The following ZACN variants were observed in gnomAD, a reference collection of about 807,000 sequenced individuals.
The protein encoded by ZACN is zinc activated ion channel, also known as ligand-gated cation channel ZACN.
Under a neutral mutation model 38.9 loss-of-function variants are expected in ZACN, and 52 were observed. That is an observed-to-expected ratio of 1.34 (90% CI 1.07 to 1.68). The LOEUF (loss-of-function observed/expected upper bound fraction) is 1.68, where lower values mean the gene tolerates loss of function less well. Among genes scored for constraint, ZACN ranks in the 40% most tolerant of loss-of-function variants. The pLI is 0.00. For missense variants in ZACN, 559 were observed against 525.6 expected (o/e 1.06, Z -0.62); for synonymous variants, 235 against 227.4 (o/e 1.03, Z -0.30).
chr17:76,079,685 C>T lies in ZACN; in HGVS notation c.223-17C>T, dbSNP rs1567943832. On this transcript the variant is annotated splice_polypyrimidine_tract_variant and intron_variant, in intron 2 of 8. Transcript: ENST00000334586. Reference sequence around the variant, plus strand: ...ACACAGCGCTCACCCTGAGGTGATGCATTGCCCTTCCCCCAGGACATCCTG... The same window carrying T: ...ACACAGCGCTCACCCTGAGGTGATGTATTGCCCTTCCCCCAGGACATCCTG... 3 of 1,612,532 alleles carry T rather than the reference C, an allele frequency of 1.9e-6. No homozygotes were observed. In the Admixed American group the frequency reaches 5.0e-5, roughly 27 times the overall value.
At chr17:76,079,792 G>A (rs892028711) in intron 3 of ZACN, 46 bp downstream of exon 3, 16 of 1,608,018 alleles carry the variant, frequency 1.0e-5, no homozygotes, top group Non-Finnish European at 1.4e-5. Context: ...GCCCAGCTGA[G>A]TCCAGCTCAG....
At chr17:76,079,782 G>A (rs2066921024) in intron 3 of ZACN, 36 bp downstream of exon 3, 7 of 1,609,858 alleles carry the variant, frequency 4.3e-6, no homozygotes, top group Admixed American at 1.7e-5. Flanking sequence ...GGATGGGAAA[G>A]CCCAGCTGAG....
chr17:76,080,090 C>A, intron 4 of ZACN, 96 bp downstream of exon 4: 7 of 1,475,092 alleles, frequency 4.7e-6, no homozygotes, highest in Non-Finnish European at 5.5e-6. Flanking sequence ...ATATGACCCT[C>A]CTGGCGGTCC....
chr17:76,080,595 C>G (rs1273600942), intron 5 of ZACN, 171 bp downstream of exon 5: 8 of 939,356 alleles, frequency 8.5e-6, no homozygotes, highest in Non-Finnish European at 1.3e-5. Flanking sequence ...CAGGCTTAGG[C>G]GGGCAGCACC....
In ZACN at chr17:76,081,619, C is replaced by T. The variant is rs766837277; in HGVS notation, c.744C>T (p.Asp248=). ...CTGCAGAGGCACTGCTGTTGGCTGA[C>T]GTGTGCGGGGGGTTGCTGCCCCTCC... is the stretch of plus-strand genomic sequence containing the variant. ...LVPAEALLLA[D]VCGGLLPLRA... Residue 248 remains aspartate, a synonymous_variant, in exon 7 of 9, where the codon GAC becomes GAT. Coordinates refer to ENST00000334586, the MANE Select transcript of ZACN (RefSeq NM_180990.4). 23 of 1,614,104 alleles carry T rather than the reference C, an allele frequency of 1.4e-5. No individual in the cohort carries two copies. The East Asian group carries it at 2.0e-4, about 14-fold the overall frequency.
rs768174525 is a variant in ZACN at position 76,082,661 on chromosome 17, G to A, written c.*8G>A. ...AGGCGGCCTAGACTGTAAAGGGGCAGGGCCTGGGCTGCACACCTTAGGATG... is the reference window on the plus strand; with the variant it reads ...AGGCGGCCTAGACTGTAAAGGGGCAAGGCCTGGGCTGCACACCTTAGGATG... On this transcript the variant is annotated 3_prime_UTR_variant, in exon 9 of 9. Transcript: ENST00000334586. 3.7e-6 allele frequency: 6 copies of A among 1,600,236 alleles called. No homozygotes were observed. The East Asian group carries it at 1.3e-4, about 36-fold the overall frequency.
chr17:76,082,381 T>C, intron 8 of ZACN, 82 bp from the exon 9 acceptor site: 1 of 1,386,988 alleles, frequency 7.2e-7, no homozygotes, highest in Non-Finnish European at 9.8e-7. Flanking sequence ...CGATACAGGC[T>C]GATGACCCCT....
chr17:76,081,810 T>C, intron 7 of ZACN, 55 bp downstream of exon 7: 1 of 1,612,042 alleles, frequency 6.2e-7, no homozygotes, highest in Admixed American at 1.7e-5. Flanking sequence ...CACCCACTGG[T>C]GCTCAGCTCG....
rs767614712 is a variant in ZACN, at chr17:76,082,678, C to T, written c.*25C>T. 2.6e-6 allele frequency: 4 copies of T among 1,567,908 alleles called. No homozygotes were observed. In the African/African-American group the frequency reaches 4.1e-5, roughly 16 times the overall value. On this transcript the variant is annotated 3_prime_UTR_variant, in exon 9 of 9. Coordinates refer to ENST00000334586, the MANE Select transcript of ZACN (RefSeq NM_180990.4). The stretch of plus-strand genomic sequence containing the variant: ...AAGGGGCAGGGCCTGGGCTGCACAC[C>T]TTAGGATGAAGTTTGCTTTCCCATG...
Position 76,081,107 on chromosome 17 carries a change from T to C in ZACN, c.545-171T>C, listed in dbSNP as rs944747038. The C allele has an allele frequency of 8.6e-6, 7 of 809,662 alleles. No homozygotes were observed. In the African/African-American group the frequency reaches 8.7e-5, roughly 10 times the overall value. 50.2% of individuals were successfully genotyped at this position (809,662 alleles called of 1,614,324 possible). ...CTTCAACTGGAGACAATTTGGGATG[T>C]TGCAAAACAAGGTTTGGGAAGCCCT... On this transcript the variant is annotated intron_variant, in intron 5 of 8. Transcript: ENST00000334586.
rs149452212 is a variant in ZACN, at chr17:76,079,256, G to A, written c.-9G>A. 1.1e-3 allele frequency: 1,715 copies of A among 1,608,368 alleles called. 2 individuals carry two copies. Among genetic ancestry groups the A allele is most frequent in the Middle Eastern group, 1.7e-3 (10 of 5,900 alleles). ...CACCGCTGCTCCCTCCAGTCCCTCC[G>A]TGCAGCCGATGATGGCCCTATGGTC... On this transcript the variant is annotated 5_prime_UTR_variant, in exon 1 of 9. In the 5' UTR this introduces an upstream ATG that the reference lacks. Coordinates refer to ENST00000334586, the MANE Select transcript of ZACN (RefSeq NM_180990.4).
chr17:76,080,979 T>TA, intron 5 of ZACN: 2 of 401,390 alleles, frequency 5.0e-6, no homozygotes, highest in South Asian at 2.0e-5. Flanking sequence ...TGTGAGATGA[T>TA]AGACTGACGA....
rs1213401698 is a variant in ZACN at position 76,081,417 on chromosome 17, G to A, written c.669+15G>A. 5 of 1,613,752 alleles carry A rather than the reference G, an allele frequency of 3.1e-6. No homozygotes were observed. The South Asian group carries it at 3.3e-5, about 11-fold the overall frequency. On this transcript the variant is annotated intron_variant, in intron 6 of 8. Transcript: ENST00000334586. The stretch of plus-strand genomic sequence containing the variant: ...TCCAGGTGACGGTGAGTCAAGTCGG[G>A]AGGAGGCCGACAGAGGGCTGCTGGA...
chr17:76,082,295 G>A (rs1487219664), intron 8 of ZACN, 168 bp from the exon 9 acceptor site: 2 of 795,482 alleles, frequency 2.5e-6, no homozygotes, highest in Non-Finnish European at 3.9e-6. Flanking sequence ...AGCCTAAGAG[G>A]GTGTTTCTTC....
chr17:76,081,445 CG>C, intron 6 of ZACN, 43 bp downstream of exon 6: 1 of 1,612,234 alleles, frequency 6.2e-7, no homozygotes, highest in Non-Finnish European at 8.5e-7. Context: ...CTGCTGGAGG[CG>C]GGTGGGAGTG....
intron 4 of ZACN, 80 bp from the exon 5 acceptor site, chr17:76,080,175 T>C: frequency 6.6e-7 from 1 of 1,511,492 alleles, no homozygotes; most frequent in African/African-American, 1.4e-5. Context: ...CAGCTGGGGT[T>C]GGGGTTGGGA....
At chr17:76,082,380 C>A (rs1598285668) in intron 8 of ZACN, 83 bp from the exon 9 acceptor site, 2 of 1,377,364 alleles carry the variant, frequency 1.5e-6, no homozygotes, top group African/African-American at 1.4e-5. Context: ...GCGATACAGG[C>A]TGATGACCCC....
At position 76,081,704 on chromosome 17, in the gene ZACN, T is replaced by C; in HGVS notation, c.829T>C (p.Ser277Pro). The C allele has an allele frequency of 6.2e-7, 1 of 1,614,000 alleles. No homozygotes were observed. The highest frequency in any genetic ancestry group is 1.1e-5 in the South Asian group (1 of 91,086). Residue 277 changes from serine to proline, a missense_variant, in exon 7 of 9, where the codon TCC (serine) becomes CCC (proline). Physicochemically the swap from Ser to Pro is moderately conservative, Grantham distance 74. Coordinates refer to ENST00000334586, the MANE Select transcript of ZACN (RefSeq NM_180990.4). ...GCTGCTGAGTTACCTCGTCCTCCAC[T>C]CCTCCCTGGTGCAGGCCCTGCCCAG... Reference protein sequence around the residue: ...TLLLSYLVLHSSLVQALPSSS... With the variant: ...TLLLSYLVLHPSLVQALPSSS...
At chr17:76,081,507 C>T (rs779646744) in intron 6 of ZACN, 38 bp from the exon 7 acceptor site, 12 of 1,608,688 alleles carry the variant, frequency 7.5e-6, no homozygotes, top group South Asian at 2.2e-5. Context: ...CCACCTCCTT[C>T]CCCCCCGCCG....
Sources: gnomAD v4.1 joint callset for allele counts on GRCh38, gnomAD v4.1.1 for gene constraint, MANE v1.5 for transcripts, NCBI Gene and HGNC (gene_info 2026-07-23, HGNC 2026-07-21) for gene names.